The following NIBAN1 variants were observed in gnomAD, a reference collection of about 807,000 sequenced individuals.
NIBAN1 encodes the protein protein Niban 1.
In NIBAN1, 81 loss-of-function variants were observed where a neutral mutation model predicts 75.1. The observed-to-expected ratio is 1.08, with a 90% CI of 0.90 to 1.30. NIBAN1 has a LOEUF of 1.30. Ranked by LOEUF, NIBAN1 falls within the 50% of genes most tolerant of loss-of-function variation. NIBAN1 has a pLI of 0.00. For synonymous variants in NIBAN1, 436 were observed against 424.8 expected, an observed-to-expected ratio of 1.03 and a Z score of -0.32; for missense variants, 1,133 against 1,128.1, an observed-to-expected ratio of 1.00 and a Z score of -0.06.
chr1:184,891,928 C>A (rs1166772000), intron 3 of NIBAN1, among the ~76,000 whole-genome samples: 1 of 152,086 alleles, frequency 6.6e-6, no homozygotes, highest in Non-Finnish European at 1.5e-5. Flanking sequence ...TTGGTTATTA[C>A]CAAATTAAGT....
intron 1 of NIBAN1, among the ~76,000 whole-genome samples, chr1:184,922,917 A>G (rs1345810550): frequency 6.6e-6 from 1 of 152,114 alleles, no homozygotes; most frequent in Non-Finnish European, 1.5e-5. Context: ...TTTAACTTAG[A>G]TTGTTTCTTA....
intron 5 of NIBAN1, among the ~76,000 whole-genome samples, chr1:184,839,426 C>A (rs1284531642): frequency 2.0e-5 from 3 of 152,126 alleles, no homozygotes; most frequent in African/African-American, 7.2e-5. Context: ...ACACCCTTCA[C>A]TCGGGTTTCC....
chr1:184,891,032 T>G (rs1449402990), intron 3 of NIBAN1, among the ~76,000 whole-genome samples: 3 of 152,144 alleles, frequency 2.0e-5, no homozygotes, highest in Non-Finnish European at 4.4e-5. Context: ...AGACCCAAAA[T>G]CTAGAATTTA....
intron 1 of NIBAN1, among the ~76,000 whole-genome samples, chr1:184,946,867 A>G (rs1333016916): frequency 6.6e-6 from 1 of 152,112 alleles, no homozygotes; most frequent in African/African-American, 2.4e-5. Flanking sequence ...TGAGGTCGGG[A>G]GTTTGAGACC....
intron 9 of NIBAN1, among the ~76,000 whole-genome samples, chr1:184,817,938 G>A (rs902456823): frequency 5.3e-5 from 8 of 152,188 alleles, no homozygotes; most frequent in African/African-American, 9.6e-5. Flanking sequence ...GGCAAATGCC[G>A]AGCTGTAACC....
intron 1 of NIBAN1, among the ~76,000 whole-genome samples, chr1:184,960,599 G>A (rs1658604042): frequency 6.6e-6 from 1 of 150,716 alleles, no homozygotes; most frequent in African/African-American, 2.5e-5. Context: ...GTGGCAGACA[G>A]ACAACACCAA....
At chr1:184,803,539 T>G (rs370879501) in intron 12 of NIBAN1, 46 bp downstream of exon 12, 5 of 1,486,780 alleles carry the variant, frequency 3.4e-6, no homozygotes, top group Non-Finnish European at 4.7e-6. Flanking sequence ...TGTTTGAACT[T>G]CAGAGGTAAG....
chr1:184,861,893 G>A (rs1047011211), intron 5 of NIBAN1, among the ~76,000 whole-genome samples: 3 of 152,118 alleles, frequency 2.0e-5, no homozygotes, highest in African/African-American at 4.8e-5. Context: ...TGGAATTAGT[G>A]TGCTCCAGAA....
chr1:184,795,360 C>A lies in NIBAN1; in HGVS notation c.2404G>T (p.Gly802Trp). 6.2e-7 allele frequency: 1 copy of A among 1,609,126 alleles called. No homozygotes were observed. Among genetic ancestry groups the A allele is most frequent in the Admixed American group, 1.7e-5 (1 of 59,572 alleles). The change falls in exon 14 of 14, where the codon GGG becomes TGG. Residue 802 changes from glycine to tryptophan, a missense_variant. By Grantham distance (184) the Gly-to-Trp change is radical. Transcript: ENST00000367511. ...GGCCCCAGGGGCTCCTCGGTGAGCC[C>A]TCCACTGGCTGGCGGAGAGGCTGGG... ...GSPASPPASGGLTEEPLGPME... is the reference protein window; with the variant it reads ...GSPASPPASGWLTEEPLGPME...
intron 1 of NIBAN1, among the ~76,000 whole-genome samples, chr1:184,918,557 G>A (rs867351089): frequency 1.0e-3 from 155 of 152,260 alleles, no homozygotes; most frequent in African/African-American, 3.6e-3. Flanking sequence ...ATAACTGCCT[G>A]TACTGTTCAC....
intron 1 of NIBAN1, among the ~76,000 whole-genome samples, chr1:184,966,118 G>A (rs1658779628): frequency 6.6e-6 from 1 of 152,228 alleles, no homozygotes; most frequent in Non-Finnish European, 1.5e-5. Context: ...GGATTAGTGA[G>A]GTGGTAGTCT....
intron 9 of NIBAN1, among the ~76,000 whole-genome samples, chr1:184,812,609 A>C (rs1320257473): frequency 6.6e-6 from 1 of 152,224 alleles, no homozygotes; most frequent in Non-Finnish European, 1.5e-5. Flanking sequence ...ACATAGCAGT[A>C]CTTTCTCTTG....
In NIBAN1 at chr1:184,971,064, C is replaced by T. The variant is rs985560143; in HGVS notation, c.55+3238G>A. ...ACTTTGGGAGGCCAAGGCGGGAAGA[C>T]TGCTTGAGCCCAGAAGTTTGAGACC... On this transcript the variant is annotated intron_variant, in intron 1 of 13. Coordinates refer to ENST00000367511, the MANE Select transcript of NIBAN1 (RefSeq NM_052966.4). 8.2e-5 allele frequency among the ~76,000 whole-genome samples: 12 copies of T among 146,502 alleles called. No individual in the cohort carries two copies. In the East Asian group the frequency reaches 2.5e-3, roughly 31 times the overall value.
intron 10 of NIBAN1, 29 bp from the exon 11 acceptor site, chr1:184,806,085 A>T: frequency 6.3e-7 from 1 of 1,588,898 alleles, no homozygotes; most frequent in African/African-American, 1.3e-5. Context: ...ACAGAAACAG[A>T]CAACAGTCAG....
chr1:184,967,390 T>C (rs1658823127), intron 1 of NIBAN1, among the ~76,000 whole-genome samples: 1 of 152,326 alleles, frequency 6.6e-6, no homozygotes, highest in South Asian at 2.1e-4. Flanking sequence ...GTGCAAATTG[T>C]TATATGTACC....
At chr1:184,803,512 C>T (rs1654102857) in intron 12 of NIBAN1, 73 bp downstream of exon 12, 15 of 1,178,470 alleles carry the variant, frequency 1.3e-5, no homozygotes, top group Non-Finnish European at 1.4e-5. Flanking sequence ...TTTGCCAGTA[C>T]ACATCACAAA....
intron 10 of NIBAN1, among the ~76,000 whole-genome samples, chr1:184,807,514 G>A (rs982567118): frequency 6.6e-6 from 1 of 152,130 alleles, no homozygotes; most frequent in African/African-American, 2.4e-5. Flanking sequence ...TAGGCTGGGT[G>A]TGGTGGCTTA....
At chr1:184,879,675 T>C (rs1294025384) in intron 5 of NIBAN1, among the ~76,000 whole-genome samples, 1 of 152,226 alleles carries the variant, frequency 6.6e-6, no homozygotes, top group Non-Finnish European at 1.5e-5. Context: ...TTCAATTTAA[T>C]TCCACAACAT....
At chr1:184,948,282 A>G (rs1658278519) in intron 1 of NIBAN1, among the ~76,000 whole-genome samples, 1 of 152,210 alleles carries the variant, frequency 6.6e-6, no homozygotes, top group African/African-American at 2.4e-5. Context: ...TTCAAAGCAT[A>G]TATGTATTCA....
Sources: allele counts gnomAD v4.1 joint callset (sites outside exome capture counted in the v4.1 genomes callset), GRCh38; gene constraint gnomAD v4.1.1; transcripts MANE v1.5; gene names NCBI Gene and HGNC (gene_info 2026-07-23, HGNC 2026-07-21).